The following DIAPH3 variants were observed in gnomAD, a reference collection of about 807,000 sequenced individuals.
DIAPH3 encodes protein diaphanous homolog 3.
DIAPH3 carries 117 observed loss-of-function variants against 144.3 expected under a neutral mutation model. The observed-to-expected ratio is 0.81, with a 90% CI of 0.70 to 0.95. The LOEUF (loss-of-function observed/expected upper bound fraction) is 0.95, where lower values mean the gene tolerates loss of function less well. Among genes scored for constraint, DIAPH3 ranks in the 40% least tolerant of loss-of-function variants. The pLI, the probability that DIAPH3 is intolerant of heterozygous loss-of-function variation, is 0.00. For synonymous variants in DIAPH3, 519 were observed against 488.9 expected (o/e 1.06, Z -0.81); for missense variants, 1,421 against 1,412.7 (o/e 1.01, Z -0.09).
intron 25 of DIAPH3, among the ~76,000 whole-genome samples, chr13:59,780,722 A>C (rs913500883): frequency 6.6e-6 from 1 of 152,212 alleles, no homozygotes; most frequent in Non-Finnish European, 1.5e-5. Flanking sequence ...GACATGTCTG[A>C]GATCTCTGCG....
At chr13:60,083,177 G>A (rs1035538256) in intron 4 of DIAPH3, among the ~76,000 whole-genome samples, 1 of 151,896 alleles carries the variant, frequency 6.6e-6, no homozygotes, top group Non-Finnish European at 1.5e-5. Flanking sequence ...CCAAAGATGG[G>A]ACAATTTGAT....
At chr13:59,930,352 A>C (rs1259710575) in intron 17 of DIAPH3, among the ~76,000 whole-genome samples, 5 of 152,230 alleles carry the variant, frequency 3.3e-5, no homozygotes, top group Non-Finnish European at 5.9e-5. Context: ...TGGATGTATT[A>C]GTGATGTTAT....
intron 27 of DIAPH3, among the ~76,000 whole-genome samples, chr13:59,761,006 G>A (rs1164752680): frequency 6.6e-6 from 1 of 152,116 alleles, no homozygotes; most frequent in African/African-American, 2.4e-5. Flanking sequence ...TAAGCCAAAT[G>A]CTGTCACATC....
At chr13:59,786,981 A>G (rs2039067230) in intron 25 of DIAPH3, among the ~76,000 whole-genome samples, 1 of 152,088 alleles carries the variant, frequency 6.6e-6, no homozygotes, top group South Asian at 2.1e-4. Flanking sequence ...GCATGCCTGT[A>G]GTCCCAGCTA....
rs57461813 is a variant in DIAPH3, at chr13:59,873,677, C to CT, written c.2607+5551dup. 3.2e-3 allele frequency among the ~76,000 whole-genome samples: 415 copies of CT among 128,900 alleles called. 5 individuals carry two copies. Among genetic ancestry groups the CT allele is most frequent in the African/African-American group, 9.9e-3 (337 of 34,132 alleles). The allele number at this position is 128,900 out of a possible 152,430, so 84.6% of individuals were successfully genotyped here. A position where few individuals can be genotyped will look rare whatever the true frequency, so the allele number is the denominator to read the frequency against. On this transcript the variant is annotated intron_variant, in intron 21 of 27. Coordinates refer to ENST00000400324, the MANE Select transcript of DIAPH3 (RefSeq NM_001042517.2). ...TTTGAAAATATTTTCACCACTTTTT[C>CT]TTTTTTTTTTTTTTTTTTCACTCTT...
At chr13:59,827,029 A>T (rs2139679267) in intron 24 of DIAPH3, among the ~76,000 whole-genome samples, 1 of 152,328 alleles carries the variant, frequency 6.6e-6, no homozygotes, top group Non-Finnish European at 1.5e-5. Context: ...ACAAAAATTA[A>T]TTCAAGATGG....
chr13:59,917,280 A>C (rs1430564633), intron 18 of DIAPH3, among the ~76,000 whole-genome samples: 2 of 152,198 alleles, frequency 1.3e-5, no homozygotes, highest in African/African-American at 4.8e-5. Context: ...GAATATAAGG[A>C]ACTTGAGCAT....
intron 27 of DIAPH3, among the ~76,000 whole-genome samples, chr13:59,739,756 G>A (rs1348354346): frequency 2.6e-5 from 4 of 151,998 alleles, no homozygotes; most frequent in Non-Finnish European, 5.9e-5. Flanking sequence ...AGAGACTCCT[G>A]CAAAGCACTA....
At chr13:60,054,442 A>C (rs1246910414) in intron 4 of DIAPH3, among the ~76,000 whole-genome samples, 2 of 152,034 alleles carry the variant, frequency 1.3e-5, no homozygotes, top group Non-Finnish European at 2.9e-5. Flanking sequence ...AGAGAGTTAA[A>C]TGCACTCTTG....
At chr13:60,049,440 G>A (rs1027543919) in intron 4 of DIAPH3, among the ~76,000 whole-genome samples, 1 of 152,100 alleles carries the variant, frequency 6.6e-6, no homozygotes, top group Non-Finnish European at 1.5e-5. Context: ...CAAGGATTCT[G>A]CATTCCCACC....
intron 1 of DIAPH3, among the ~76,000 whole-genome samples, chr13:60,162,697 G>T (rs778402604): frequency 1.3e-5 from 2 of 151,670 alleles, no homozygotes; most frequent in East Asian, 3.9e-4. Context: ...GTTAGCAACT[G>T]GTTCACAAAC....
chr13:59,913,068 A>G (rs2047069668), intron 19 of DIAPH3, among the ~76,000 whole-genome samples: 1 of 152,174 alleles, frequency 6.6e-6, no homozygotes, highest in Non-Finnish European at 1.5e-5. Context: ...AGACCAAAAG[A>G]CATGATTATT....
intron 19 of DIAPH3, among the ~76,000 whole-genome samples, chr13:59,915,820 AAC>A (rs1415755920): frequency 6.6e-6 from 1 of 152,126 alleles, no homozygotes; most frequent in Admixed American, 6.5e-5. Context: ...GCCAAAGAAA[AAC>A]ACATTCTAAA....
intron 8 of DIAPH3, among the ~76,000 whole-genome samples, 196 bp downstream of exon 8, chr13:60,010,337 T>C (rs1235912772): frequency 6.6e-6 from 1 of 152,136 alleles, no homozygotes; most frequent in Non-Finnish European, 1.5e-5. Context: ...TGTTAGACCA[T>C]AACTAATAAA....
At position 59,815,142 on chromosome 13, in the gene DIAPH3, T is replaced by C. The variant is rs142071152; in HGVS notation, c.3028-4219A>G. On this transcript the variant is annotated intron_variant, in intron 24 of 27. Coordinates refer to ENST00000400324, the MANE Select transcript of DIAPH3 (RefSeq NM_001042517.2). ...ATGAGTTGGAGATCCAATTCACTTT[T>C]GCCCATCCTTTCTCCAATAATATGC... 4.1e-4 allele frequency among the ~76,000 whole-genome samples: 63 copies of C among 152,364 alleles called. No homozygotes were observed. The East Asian group carries it at 9.5e-3, about 23-fold the overall frequency.
intron 12 of DIAPH3, among the ~76,000 whole-genome samples, chr13:59,987,440 C>A (rs2051476031): frequency 1.8e-5 from 2 of 108,346 alleles, no homozygotes; most frequent in African/African-American, 7.3e-5. Flanking sequence ...CTAACCTGCA[C>A]AATGTGCACA....
At chr13:59,762,798 A>G (rs2037669476) in intron 27 of DIAPH3, among the ~76,000 whole-genome samples, 1 of 152,178 alleles carries the variant, frequency 6.6e-6, no homozygotes, top group Non-Finnish European at 1.5e-5. Context: ...TTGCCATCAT[A>G]ATAGTATTGT....
intron 2 of DIAPH3, among the ~76,000 whole-genome samples, chr13:60,115,281 C>A (rs2058674193): frequency 6.6e-6 from 1 of 152,194 alleles, no homozygotes; most frequent in South Asian, 2.1e-4. Context: ...CTTGGGATCA[C>A]TTCAAGCATC....
chr13:59,785,314 G>GA (rs1284985866), intron 25 of DIAPH3, among the ~76,000 whole-genome samples: 2 of 152,170 alleles, frequency 1.3e-5, no homozygotes, highest in East Asian at 1.9e-4. Context: ...CAAGTTAGGA[G>GA]AAAAAATTAG....
Sources: gnomAD v4.1 joint callset for allele counts (sites outside exome capture counted in the v4.1 genomes callset) on GRCh38, gnomAD v4.1.1 for gene constraint, MANE v1.5 for transcripts, NCBI Gene and HGNC (gene_info 2026-07-23, HGNC 2026-07-21) for gene names.